PCGF2: variants seen among roughly 807,000 people sequenced by gnomAD.
PCGF2 encodes polycomb group RING finger protein 2.
PCGF2 carries 8 observed loss-of-function variants against 36.1 expected under a neutral mutation model. The observed-to-expected ratio is 0.22, with a 90% confidence interval of 0.13 to 0.40. PCGF2 has a LOEUF of 0.40. Among genes scored for constraint, PCGF2 ranks in the 10% least tolerant of loss-of-function variants. The pLI is 1.00. For missense variants in PCGF2, 436 were observed against 475.9 expected (o/e 0.92, Z 0.78); for synonymous variants, 198 against 191.2 (o/e 1.04, Z -0.29).
rs181778949 is a variant in PCGF2, at chr17:38,745,362, G to A, written c.-41+2517C>T. 3.9e-4 allele frequency among the ~76,000 whole-genome samples: 59 copies of A among 151,914 alleles called. 1 individual carries two copies. The highest frequency in any genetic ancestry group is 3.5e-3 in the Admixed American group (54 of 15,258). ...AACAAACAAAAATACAAAAATTAGC[G>A]GAGCATGGTGGCAGGCGCCTGTAAT... On this transcript the variant is annotated intron_variant, in intron 2 of 10. Coordinates refer to ENST00000620225, the MANE Select transcript of PCGF2 (RefSeq NM_007144.3).
chr17:38,739,829 G>A lies in PCGF2; in HGVS notation c.113-147C>T, dbSNP rs561357750. On this transcript the variant is annotated intron_variant, in intron 3 of 10. Transcript: ENST00000620225. This position sits in a 1 kb window ranked among gnomAD's most constrained non-coding sequence, Gnocchi z 4.0. ...CAATGTGGCGATGTGTGTTCTGCACGTGTGGTACCTGTCCTTGTGCACTGT... is the reference window on the plus strand; with the variant it reads ...CAATGTGGCGATGTGTGTTCTGCACATGTGGTACCTGTCCTTGTGCACTGT... 5 of 681,354 alleles carry A rather than the reference G, an allele frequency of 7.3e-6. No individual in the cohort carries two copies. The highest frequency in any genetic ancestry group is 1.7e-5 in the African/African-American group (1 of 57,320). The allele number at this position is 681,354 out of a possible 1,614,324, so 42.2% of individuals were successfully genotyped here.
intron 2 of PCGF2, among the ~76,000 whole-genome samples, chr17:38,743,256 ATTTTTTT>A (rs71138649): frequency 7.1e-6 from 1 of 140,478 alleles, no homozygotes; most frequent in Non-Finnish European, 1.6e-5. Context: ...ACACTGGCTA[ATTTTTTT>A]TTTTTTTTTT....
chr17:38,747,191 G>A (rs1316188677), intron 2 of PCGF2, among the ~76,000 whole-genome samples: 1 of 152,160 alleles, frequency 6.6e-6, no homozygotes, highest in Non-Finnish European at 1.5e-5. Context: ...GGCAGACAGG[G>A]GCAGTGGGGG....
At chr17:38,740,715 T>C (rs1359613452) in intron 2 of PCGF2, among the ~76,000 whole-genome samples, 1 of 151,972 alleles carries the variant, frequency 6.6e-6, no homozygotes, top group Non-Finnish European at 1.5e-5. Flanking sequence ...GCCGAGATCA[T>C]GCCACTGCAC....
Position 38,748,285 on chromosome 17 carries a change from C to T in PCGF2, c.-223G>A, listed in dbSNP as rs970617324. 1 of 142,484 alleles carries T rather than the reference C, an allele frequency of 7.0e-6. No individual in the cohort carries two copies. Among genetic ancestry groups the T allele is most frequent in the Non-Finnish European group, 1.5e-5 (1 of 65,052 alleles). The allele number at this position is 142,484 out of a possible 1,614,324, so 8.8% of individuals were successfully genotyped here. On this transcript the variant is annotated 5_prime_UTR_variant, in exon 1 of 11. Coordinates refer to ENST00000620225, the MANE Select transcript of PCGF2 (RefSeq NM_007144.3). ...AGGGGGGCCGCAGCCGTGTCGCTCG[C>T]CCGGGCGGCGGGAGGGGAGAAACCT...
chr17:38,746,620 C>CCTCTCTCCT (rs1907550800), intron 2 of PCGF2: 1 of 152,412 alleles, frequency 6.6e-6, no homozygotes, highest in Admixed American at 6.5e-5. Context: ...TCTTCCTGTT[C>CCTCTCTCCT]GGGCTCTCTC....
In PCGF2 at chr17:38,738,589, C is replaced by A. The variant is rs767910083; in HGVS notation, c.432G>T (p.Arg144=). The change falls in exon 8 of 11, where the codon CGG becomes CGT. Residue 144 remains arginine (R), a synonymous_variant. Coordinates refer to ENST00000620225, the MANE Select transcript of PCGF2 (RefSeq NM_007144.3). ...TCTCCAGGGGGCCCTTCTTCTCGTC[C>A]CGGTCCCTGGGGACGGAGAAAGAAT... is the stretch of plus-strand genomic sequence containing the variant. ...SIEFYEGARD[R]DEKKGPLENG... is the part of the protein sequence containing the mutation. 1.3e-6 allele frequency: 2 copies of A among 1,574,178 alleles called. No individual in the cohort carries two copies. Among genetic ancestry groups the A allele is most frequent in the Non-Finnish European group, 1.7e-6 (2 of 1,160,852 alleles).
Position 38,738,576 on chromosome 17 carries a change from CCTT to C in PCGF2, c.442_444del (p.Lys148del), listed in dbSNP as rs2143088951. The C allele has an allele frequency of 1.9e-6, 3 of 1,583,948 alleles. No homozygotes were observed. Among genetic ancestry groups the C allele is most frequent in the Non-Finnish European group, 2.6e-6 (3 of 1,164,520 alleles). ...TCCCCATCCCCATTCTCCAGGGGGC[CCTT>C]CTTCTCGTCCCGGTCCCTGGGGACG... is the stretch of plus-strand genomic sequence containing the variant. On this transcript the variant is annotated inframe_deletion, in exon 8 of 11. Coordinates refer to ENST00000620225, the MANE Select transcript of PCGF2 (RefSeq NM_007144.3).
At chr17:38,740,256 G>C (rs758318606) in intron 3 of PCGF2, 35 bp downstream of exon 3, 1 of 1,593,856 alleles carries the variant, frequency 6.3e-7, no homozygotes, top group Non-Finnish European at 8.6e-7. Context: ...CACAGAGGCT[G>C]CCCACCCTGA....
At chr17:38,747,193 C>A (rs1907586935) in intron 2 of PCGF2, among the ~76,000 whole-genome samples, 1 of 152,200 alleles carries the variant, frequency 6.6e-6, no homozygotes, top group Non-Finnish European at 1.5e-5. Flanking sequence ...CAGACAGGGG[C>A]AGTGGGGGAG....
intron 9 of PCGF2, 80 bp from the exon 10 acceptor site, chr17:38,736,250 G>A: frequency 1.2e-6 from 1 of 824,258 alleles, no homozygotes; most frequent in Non-Finnish European, 2.1e-6. Context: ...CTGGGAGGCG[G>A]GGCAATGGGA....
At chr17:38,736,562 C>T (rs888986295) in intron 9 of PCGF2, among the ~76,000 whole-genome samples, 20 of 152,132 alleles carry the variant, frequency 1.3e-4, no homozygotes, top group African/African-American at 2.7e-4. Context: ...TGGCCGGGTG[C>T]GGTGGCTCAT....
chr17:38,747,129 C>T lies in PCGF2; in HGVS notation c.-41+750G>A, dbSNP rs111300368. Among the ~76,000 whole-genome samples, 526 of 152,192 alleles carry T rather than the reference C, an allele frequency of 3.5e-3. 1 individual carries two copies. The highest frequency in any genetic ancestry group is 5.7e-3 in the Non-Finnish European group (386 of 67,998). On this transcript the variant is annotated intron_variant, in intron 2 of 10. Transcript: ENST00000620225. ...CTTCCACAATATTCACTGGCAAATC[C>T]ACCCGCCTCCATGCCGCCTCCTCCC... is the stretch of plus-strand genomic sequence containing the variant.
Position 38,736,186 on chromosome 17 carries a change from G to C in PCGF2, c.577-16C>G. 1 of 1,544,832 alleles carries C rather than the reference G, an allele frequency of 6.5e-7. No homozygotes were observed. Among genetic ancestry groups the C allele is most frequent in the South Asian group, 1.2e-5 (1 of 84,590 alleles). ...GAACCTCCACCTGGGGGAGGGAAGC[G>C]GAGGACACCATGACCCTGGCCAGCT... On this transcript the variant is annotated splice_polypyrimidine_tract_variant and intron_variant, in intron 9 of 10. Coordinates refer to ENST00000620225, the MANE Select transcript of PCGF2 (RefSeq NM_007144.3).
rs372971271 is a variant in PCGF2 at position 38,735,312 on chromosome 17, C to T, written c.946G>A (p.Gly316Ser). The T allele has an allele frequency of 3.9e-6, 6 of 1,531,948 alleles. No homozygotes were observed. The African/African-American group carries it at 8.2e-5, about 21-fold the overall frequency. 94.9% of individuals were successfully genotyped at this position (1,531,948 alleles called of 1,614,324 possible). Residue 316 changes from glycine (G) to serine (S), a missense_variant, in exon 11 of 11, where the codon GGT becomes AGT. Gly to Ser is a moderately conservative substitution (Grantham distance 56, BLOSUM62 0). Coordinates refer to ENST00000620225, the MANE Select transcript of PCGF2 (RefSeq NM_007144.3). Reference protein sequence around the residue: ...ASGATTAANGGSLNCLQTPSS... With the variant: ...ASGATTAANGSSLNCLQTPSS... The stretch of plus-strand genomic sequence containing the variant: ...GGTGTCTGCAGGCAGTTCAAGCTAC[C>T]CCCGTTGGCAGCTGTGGTGGCCCCA...
intron 2 of PCGF2, among the ~76,000 whole-genome samples, chr17:38,746,973 G>A (rs191296911): frequency 1.2e-4 from 18 of 152,280 alleles, no homozygotes; most frequent in Admixed American, 2.0e-4. Flanking sequence ...GGTCCCAGAG[G>A]AGGAGGCATC....
chr17:38,749,313 C>A (rs1019132544), upstream of PCGF2: 8 of 213,488 alleles, frequency 3.7e-5, no homozygotes, highest in South Asian at 3.0e-4. The surrounding 1 kb of genome is among the most constrained non-coding windows in gnomAD (Gnocchi z 6.5). Context: ...GAGAGTCGGG[C>A]GAGCGCCAAG....
intron 2 of PCGF2, among the ~76,000 whole-genome samples, chr17:38,742,950 C>T (rs905713916): frequency 1.3e-5 from 2 of 152,304 alleles, no homozygotes; most frequent in African/African-American, 4.8e-5. Flanking sequence ...TGGGGTAAAT[C>T]GCATGCCCTC....
At chr17:38,745,756 C>T (rs190532252) in intron 2 of PCGF2, among the ~76,000 whole-genome samples, 13 of 152,268 alleles carry the variant, frequency 8.5e-5, no homozygotes, top group African/African-American at 2.4e-4. Flanking sequence ...CCTGGAGTGG[C>T]GGGAAAACCA....
Sources: gnomAD v4.1 joint callset for allele counts (sites outside exome capture counted in the v4.1 genomes callset) on GRCh38, gnomAD v4.1.1 for gene constraint, Gnocchi (gnomAD v3.1) non-coding constraint, MANE v1.5 for transcripts, NCBI Gene and HGNC (gene_info 2026-07-23, HGNC 2026-07-21) for gene names.